GAK: variants seen among roughly 807,000 people sequenced by gnomAD.
GAK encodes the protein cyclin G associated kinase.
A neutral mutation model predicts 143.9 loss-of-function variants in GAK; 79 were observed. The observed-to-expected ratio is 0.55, with a 90% CI of 0.46 to 0.66. GAK has a LOEUF of 0.66. Among genes scored for constraint, GAK ranks in the 30% least tolerant of loss-of-function variants. The pLI, the probability that GAK is intolerant of heterozygous loss-of-function variation, is 0.00. For synonymous variants in GAK, 881 were observed against 765.5 expected, an observed-to-expected ratio of 1.15 and a Z score of -2.49; for missense variants, 1,693 against 1,779.7, an observed-to-expected ratio of 0.95 and a Z score of 0.88.
intron 1 of GAK, among the ~76,000 whole-genome samples, chr4:925,390 C>T (rs925113451): frequency 3.3e-5 from 5 of 152,136 alleles, no homozygotes; most frequent in East Asian, 1.9e-4. Context: ...GCACGGAGCA[C>T]GCTGGGGACG....
At chr4:923,325 C>T (rs865997608) in intron 1 of GAK, among the ~76,000 whole-genome samples, 6 of 152,092 alleles carry the variant, frequency 3.9e-5, no homozygotes, top group South Asian at 2.1e-4. Context: ...ATGTCGGGTA[C>T]CTCCAAGACC....
rs200009469 is a variant in GAK at position 870,889 on chromosome 4, C to T, written c.2070G>A (p.Ala690=). The part of the protein sequence containing the change: ...TVKFAKYDLD[A]CDIQEKYPDL... ...CCGGGTATTTTTCTTGAATGTCACACGCGTCCAGGTCATACCTGCGGTTAC... is the reference window on the plus strand; with the variant it reads ...CCGGGTATTTTTCTTGAATGTCACATGCGTCCAGGTCATACCTGCGGTTAC... Residue 690 remains alanine (A), a synonymous_variant, in exon 19 of 28, where the codon GCG becomes GCA. Coordinates refer to ENST00000314167, the MANE Select transcript of GAK (RefSeq NM_005255.4). 3.3e-5 allele frequency: 53 copies of T among 1,613,508 alleles called. No individual in the cohort carries two copies. The highest frequency in any genetic ancestry group is 1.3e-4 in the East Asian group (6 of 44,882).
chr4:912,289 C>T lies in GAK; in HGVS notation c.267+446G>A, dbSNP rs752895194. The T allele has an allele frequency of 2.6e-4, 106 of 403,476 alleles. 1 individual carries two copies. Among genetic ancestry groups the T allele is most frequent in the Admixed American group, 2.6e-4 (10 of 38,162 alleles). The allele number at this position is 403,476 out of a possible 1,614,324, so 25.0% of individuals were successfully genotyped here. A position where few individuals can be genotyped will look rare whatever the true frequency, so the allele number is the denominator to read the frequency against. ...CAGCCCCCAGATCCTCTGTCAGCGC[C>T]GGGAGATGCCCCGCCCAGTCATGCT... On this transcript the variant is annotated intron_variant, in intron 3 of 27. Transcript: ENST00000314167.
At chr4:882,570 C>T in intron 14 of GAK, 127 bp downstream of exon 14, 2 of 1,249,480 alleles carry the variant, frequency 1.6e-6, no homozygotes, top group Non-Finnish European at 2.2e-6. Flanking sequence ...AGCACAGGGA[C>T]TTTCTTCCGT....
At chr4:927,974 C>T (rs183817159) in intron 1 of GAK, among the ~76,000 whole-genome samples, 54 of 152,320 alleles carry the variant, frequency 3.5e-4, no homozygotes, top group African/African-American at 1.3e-3. Context: ...GAGAACAGCA[C>T]GGAGCTTCAG....
intron 18 of GAK, among the ~76,000 whole-genome samples, chr4:873,023 C>T (rs35399286): frequency 6.6e-6 from 1 of 151,584 alleles, no homozygotes. Context: ...CCAGGCACGG[C>T]GCAGGCTCAC....
chr4:860,200 G>C (rs545922046), intron 23 of GAK, among the ~76,000 whole-genome samples: 1 of 147,144 alleles, frequency 6.8e-6, no homozygotes, highest in Non-Finnish European at 1.5e-5. Flanking sequence ...GCTGCGGTGG[G>C]AGGATCGCTC....
intron 1 of GAK, among the ~76,000 whole-genome samples, chr4:925,509 G>A (rs981838381): frequency 5.9e-5 from 9 of 152,148 alleles, no homozygotes; most frequent in Admixed American, 1.3e-4. Context: ...CTTTTCTAAC[G>A]TAAAATACCA....
At chr4:909,391 C>T (rs1041493696) in intron 4 of GAK, among the ~76,000 whole-genome samples, 2 of 152,262 alleles carry the variant, frequency 1.3e-5, no homozygotes, top group African/African-American at 4.8e-5. Flanking sequence ...GACTGACAGA[C>T]ACCTCAACCG....
chr4:883,285 G>A (rs1264653580), intron 13 of GAK, 30 bp downstream of exon 13: 3 of 1,609,486 alleles, frequency 1.9e-6, no homozygotes, highest in Non-Finnish European at 2.5e-6. Context: ...GCTCCAGAGT[G>A]GCACCAAGAC....
intron 4 of GAK, among the ~76,000 whole-genome samples, chr4:909,432 G>A (rs1448334353): frequency 6.6e-6 from 1 of 152,058 alleles, no homozygotes; most frequent in African/African-American, 2.4e-5. Context: ...CGAGGCCCCG[G>A]TATGCGCACG....
chr4:888,842 C>T lies in GAK; in HGVS notation c.1205+5G>A. 6.2e-7 allele frequency: 1 copy of T among 1,600,648 alleles called. No homozygotes were observed. The highest frequency in any genetic ancestry group is 8.5e-7 in the Non-Finnish European group (1 of 1,174,972). The stretch of plus-strand genomic sequence containing the variant: ...AGGTCCAGGGCTCTGGAGCCTCACA[C>T]TCACTTAGCGACGGACTGGATGACC... On this transcript the variant is annotated splice_donor_5th_base_variant and intron_variant, in intron 11 of 27. Transcript: ENST00000314167.
chr4:886,400 C>T (rs1444893808), intron 11 of GAK: 1 of 152,208 alleles, frequency 6.6e-6, no homozygotes, highest in Non-Finnish European at 1.5e-5. Context: ...GCAGCTCCCA[C>T]CATCCCCACA....
intron 19 of GAK, chr4:869,056 C>T: frequency 4.0e-6 from 1 of 250,942 alleles, no homozygotes. Context: ...CACAAATGCA[C>T]ACACACAGAT....
At chr4:905,500 A>C (rs1288409910) in intron 4 of GAK, among the ~76,000 whole-genome samples, 5 of 146,198 alleles carry the variant, frequency 3.4e-5, no homozygotes, top group Non-Finnish European at 7.5e-5. Context: ...GCCACGCCCC[A>C]TGCCACGCTA....
At chr4:881,363 C>T (rs1715066712) in intron 15 of GAK, among the ~76,000 whole-genome samples, 1 of 152,218 alleles carries the variant, frequency 6.6e-6, no homozygotes, top group African/African-American at 2.4e-5. Flanking sequence ...GGGGTGGACT[C>T]CTCGGGCGTG....
Position 896,443 on chromosome 4 carries a change from G to A in GAK, c.741+17C>T. The stretch of plus-strand genomic sequence containing the variant: ...GCACGGAGCCAGGCACTGCCACTGA[G>A]AGGCGCCAGACCTCACCCAGATATC... On this transcript the variant is annotated intron_variant, in intron 7 of 27. Coordinates refer to ENST00000314167, the MANE Select transcript of GAK (RefSeq NM_005255.4). 6.2e-7 allele frequency: 1 copy of A among 1,609,364 alleles called. No individual in the cohort carries two copies. The highest frequency in any genetic ancestry group is 8.5e-7 in the Non-Finnish European group (1 of 1,176,120).
Position 878,395 on chromosome 4 carries a change from T to C in GAK, c.1662-586A>G, listed in dbSNP as rs1422808956. Among the ~76,000 whole-genome samples the C allele has an allele frequency of 5.3e-5, 8 of 152,362 alleles. 1 individual carries two copies. The highest frequency in any genetic ancestry group is 1.9e-4 in the East Asian group (1 of 5,190). ...TTTATTCCACTGTGGCCTGACAGCATAGTTTGTCTGATTTCAAATTTTAAA... is the reference window on the plus strand; with the variant it reads ...TTTATTCCACTGTGGCCTGACAGCACAGTTTGTCTGATTTCAAATTTTAAA... On this transcript the variant is annotated intron_variant, in intron 15 of 27. Transcript: ENST00000314167.
rs1410932845 is a variant in GAK at position 849,400 on chromosome 4, C to T, written c.*273G>A. On this transcript the variant is annotated 3_prime_UTR_variant, in exon 28 of 28. Transcript: ENST00000314167. ...CCACGTGCCGGGGCTCCAGAGGCCA[C>T]GCCCGAAACACCAAATAAATCACAG... 2.0e-5 allele frequency: 10 copies of T among 507,426 alleles called. No homozygotes were observed. The highest frequency in any genetic ancestry group is 3.3e-5 in the East Asian group (1 of 30,288). 31.4% of individuals were successfully genotyped at this position (507,426 alleles called of 1,614,324 possible). A position where few individuals can be genotyped will look rare whatever the true frequency, so the allele number is the denominator to read the frequency against.
Sources: allele counts gnomAD v4.1 joint callset (sites outside exome capture counted in the v4.1 genomes callset), GRCh38; gene constraint gnomAD v4.1.1; transcripts MANE v1.5; gene names NCBI Gene and HGNC (gene_info 2026-07-23, HGNC 2026-07-21).